Variants in NODAL observed in about 807,000 individuals in gnomAD.
The protein encoded by NODAL is nodal growth differentiation factor, also known as nodal homolog.
NODAL carries 12 observed loss-of-function variants against 34.0 expected under a neutral mutation model. The observed-to-expected ratio is 0.35, with a 90% CI of 0.23 to 0.57. NODAL has a LOEUF of 0.57. Among genes scored for constraint, NODAL ranks in the 20% least tolerant of loss-of-function variants. The pLI is 0.83. For missense variants in NODAL, 390 were observed against 444.2 expected (o/e 0.88, Z 1.10); for synonymous variants, 162 against 186.4 (o/e 0.87, Z 1.07).
chr10:70,442,532 C>T (rs1044165363), upstream of NODAL, among the ~76,000 whole-genome samples: 1 of 152,188 alleles, frequency 6.6e-6, no homozygotes, highest in African/African-American at 2.4e-5. Context: ...TGTCTGGCCT[C>T]CTCCCTTCCA....
intron 1 of NODAL, 166 bp from the exon 2 acceptor site, chr10:70,436,149 T>C (rs1845351019): frequency 2.9e-6 from 2 of 678,736 alleles, no homozygotes; most frequent in Non-Finnish European, 5.3e-6. Context: ...GAGTCCCTTT[T>C]AGAGATGAGG....
At chr10:70,447,673 AAG>A (rs1554851117) in intron 1 of NODAL, among the ~76,000 whole-genome samples, 28 of 60,886 alleles carry the variant, frequency 4.6e-4, no homozygotes, top group Admixed American at 1.0e-3. Flanking sequence ...GAAAAAAAAA[AAG>A]AAGAAGAAGA....
chr10:70,441,389 C>T, intron 1 of NODAL, 86 bp downstream of exon 1: 1 of 1,460,078 alleles, frequency 6.8e-7, no homozygotes, highest in South Asian at 1.2e-5. Flanking sequence ...AGCCCCCAAC[C>T]CACAGCACTT....
At position 70,438,322 on chromosome 10, in the gene NODAL, CTT is replaced by C. The variant is rs1451877676; in HGVS notation, c.194-2341_194-2340del. ...AAAAAAGAAAAACTTTATCTCAACT[CTT>C]TTAGAAGAAGGCACTCCTGCTTAAT... On this transcript the variant is annotated intron_variant, in intron 1 of 2. Coordinates refer to ENST00000287139, the MANE Select transcript of NODAL (RefSeq NM_018055.5). Among the ~76,000 whole-genome samples the C allele has an allele frequency of 3.9e-5, 6 of 152,068 alleles. 1 individual carries two copies. Among genetic ancestry groups the C allele is most frequent in the African/African-American group, 1.4e-4 (6 of 41,392 alleles).
chr10:70,436,579 G>GGT (rs1845358484), intron 1 of NODAL: 1 of 85,382 alleles, frequency 1.2e-5, no homozygotes, highest in South Asian at 3.1e-4. Context: ...AAAAAAAAGA[G>GGT]TGACTTGTTT....
chr10:70,444,112 T>C (rs1183750303), upstream of NODAL, among the ~76,000 whole-genome samples: 1 of 151,918 alleles, frequency 6.6e-6, no homozygotes, highest in Non-Finnish European at 1.5e-5. Context: ...TTTGTATTTT[T>C]ATTAGAGATG....
rs375466579 is a variant in NODAL, at chr10:70,435,617, G to A, written c.560C>T (p.Pro187Leu). 4.2e-5 allele frequency: 67 copies of A among 1,613,830 alleles called. No homozygotes were observed. The highest frequency in any genetic ancestry group is 5.3e-5 in the Non-Finnish European group (62 of 1,179,938). ...CATAAGGAGCACATTGGTGGCAGGC[G>A]GTGTGGGGGGCCGCGGCCAGCACTC... ...AGECWPRPPT[P>L]PATNVLLMLY... The change falls in exon 2 of 3, where the codon CCG becomes CTG. Residue 187 changes from proline to leucine, a missense_variant. Transcript: ENST00000287139.
At chr10:70,442,621 T>C (rs1845445228), upstream of NODAL, among the ~76,000 whole-genome samples, 1 of 152,184 alleles carries the variant, frequency 6.6e-6, no homozygotes, top group Admixed American at 6.6e-5. Context: ...CCATCCGTTT[T>C]CCTTTACACC....
chr10:70,436,028 TC>T, intron 1 of NODAL, 45 bp from the exon 2 acceptor site: 1 of 1,520,640 alleles, frequency 6.6e-7, no homozygotes. Flanking sequence ...AGTGAGGGCC[TC>T]CCCCAGCCTC....
intron 1 of NODAL, 103 bp downstream of exon 1, chr10:70,441,372 G>C (rs1845428338): frequency 7.4e-7 from 1 of 1,353,090 alleles, no homozygotes; most frequent in Non-Finnish European, 1.0e-6. Context: ...ACCCGGCTCG[G>C]AGCCGCAGCC....
At chr10:70,437,150 C>A (rs995636059) in intron 1 of NODAL, among the ~76,000 whole-genome samples, 2 of 152,196 alleles carry the variant, frequency 1.3e-5, no homozygotes, top group Non-Finnish European at 2.9e-5. Context: ...TTTCAGGTGA[C>A]TTAATAGTGA....
At chr10:70,445,232 G>A (rs1041810229), upstream of NODAL, among the ~76,000 whole-genome samples, 4 of 152,070 alleles carry the variant, frequency 2.6e-5, no homozygotes, top group African/African-American at 9.7e-5. Flanking sequence ...TGGACCAGAA[G>A]CTTCTTTTTT....
rs1845364259 is a variant in NODAL at position 70,436,884 on chromosome 10, G to T, written c.194-901C>A. Among the ~76,000 whole-genome samples, 3 of 152,144 alleles carry T rather than the reference G, an allele frequency of 2.0e-5. No homozygotes were observed. The South Asian group carries it at 6.2e-4, about 32-fold the overall frequency. ...AGTTGCCCCTTTACAATACAAGGTGGATTATTTCCCAAAGAAATTCACTTT... is the reference window on the plus strand; with the variant it reads ...AGTTGCCCCTTTACAATACAAGGTGTATTATTTCCCAAAGAAATTCACTTT... On this transcript the variant is annotated intron_variant, in intron 1 of 2. Coordinates refer to ENST00000287139, the MANE Select transcript of NODAL (RefSeq NM_018055.5).
intron 1 of NODAL, among the ~76,000 whole-genome samples, chr10:70,437,984 G>C (rs1014766913): frequency 6.6e-6 from 1 of 152,108 alleles, no homozygotes; most frequent in Non-Finnish European, 1.5e-5. Context: ...GATTCGGGCG[G>C]TGAGTTTAAA....
Position 70,435,416 on chromosome 10 carries a change from A to G in NODAL, c.761T>C (p.Val254Ala). 1 of 1,614,184 alleles carries G rather than the reference A, an allele frequency of 6.2e-7. No homozygotes were observed. Among genetic ancestry groups the G allele is most frequent in the South Asian group, 1.1e-5 (1 of 91,070 alleles). Residue 254 changes from valine to alanine, a missense_variant, in exon 2 of 3, where the codon GTG becomes GCG. Transcript: ENST00000287139. ...SQLCRKVKFQ[V>A]DFNLIGWGSW... ...GCCCCATCCGATCAGGTTGAAGTCC[A>G]CCTGGAACTTGACCTTCCGACACAG...
chr10:70,437,431 A>C (rs1260420192), intron 1 of NODAL, among the ~76,000 whole-genome samples: 1 of 152,190 alleles, frequency 6.6e-6, no homozygotes, highest in Non-Finnish European at 1.5e-5. Flanking sequence ...ACAAGAGCGA[A>C]ACTCTGTCTC....
At position 70,435,734 on chromosome 10, in the gene NODAL, A is replaced by G; in HGVS notation, c.443T>C (p.Leu148Ser). 6.2e-7 allele frequency: 1 copy of G among 1,614,202 alleles called. No individual in the cohort carries two copies. The highest frequency in any genetic ancestry group is 8.5e-7 in the Non-Finnish European group (1 of 1,180,032). Residue 148 changes from leucine to serine, a missense_variant, in exon 2 of 3, where the codon TTG becomes TCG. By Grantham distance (145) the Leu-to-Ser change is moderately radical. Coordinates refer to ENST00000287139, the MANE Select transcript of NODAL (RefSeq NM_018055.5). ...GGTCACCTCCAAAACCATGCTGCCC[A>G]AGGAAAAGGTGACCTGGGACAAAGT... ...TVTLSQVTFS[L>S]GSMVLEVTRP...
At position 70,432,915 on chromosome 10, in the gene NODAL, C is replaced by T. The variant is rs369691106; in HGVS notation, c.*21G>A. The T allele has an allele frequency of 8.1e-6, 13 of 1,613,774 alleles. No homozygotes were observed. In the African/African-American group the frequency reaches 1.6e-4, roughly 20 times the overall value. ...CAGCCTTCCAGAGTGCAGGCAAATC[C>T]AGTCTCCCTCCAGGATGTCATCAGA... On this transcript the variant is annotated 3_prime_UTR_variant, in exon 3 of 3. Transcript: ENST00000287139.
chr10:70,447,129 A>G (rs1845496907), intron 1 of NODAL, among the ~76,000 whole-genome samples: 1 of 142,818 alleles, frequency 7.0e-6, no homozygotes, highest in Non-Finnish European at 1.5e-5. Flanking sequence ...GCTGGGGTGC[A>G]GTGGCATGAT....
Sources: allele counts gnomAD v4.1 joint callset (sites outside exome capture counted in the v4.1 genomes callset), GRCh38; gene constraint gnomAD v4.1.1; transcripts MANE v1.5; gene names NCBI Gene and HGNC (gene_info 2026-07-23, HGNC 2026-07-21).